LAMA1: variants seen among roughly 807,000 people sequenced by gnomAD.
LAMA1 encodes the protein laminin subunit alpha 1.
Under a neutral mutation model 348.7 loss-of-function variants are expected in LAMA1, and 219 were observed. That is an observed-to-expected ratio of 0.63 (90% CI 0.56 to 0.70). LAMA1 has a LOEUF of 0.70. LAMA1 is among the 30% of genes least tolerant of loss of function. The probability of loss-of-function intolerance (pLI) is 0.00; values close to 1 mark genes in which losing one functional copy is unlikely to be tolerated. For synonymous variants in LAMA1, 1,487 were observed against 1,491.0 expected (o/e 1.00, Z 0.06); for missense variants, 3,744 against 3,888.0 (o/e 0.96, Z 0.99).
At chr18:6,966,126 G>C (rs370392651) in intron 49 of LAMA1, 21 bp downstream of exon 49, 2 of 1,613,498 alleles carry the variant, frequency 1.2e-6, no homozygotes, top group Non-Finnish European at 1.7e-6. Context: ...GTAGGGCCTA[G>C]GGCCGCACAA....
chr18:6,963,349 G>T (rs1213764539), intron 51 of LAMA1, among the ~76,000 whole-genome samples: 2 of 152,198 alleles, frequency 1.3e-5, no homozygotes, highest in Non-Finnish European at 2.9e-5. Context: ...GCATGAATCT[G>T]GGATGGGATC....
chr18:6,991,651 A>C (rs551383970), intron 36 of LAMA1, among the ~76,000 whole-genome samples: 14 of 152,220 alleles, frequency 9.2e-5, no homozygotes, highest in African/African-American at 2.9e-4. Context: ...CAGCCTCCCA[A>C]AGTGCTGGGA....
rs1052486249 is a variant in LAMA1, at chr18:7,046,304, T to C, written c.832A>G (p.Ser278Gly). 3 of 1,611,604 alleles carry C rather than the reference T, an allele frequency of 1.9e-6. No individual in the cohort carries two copies. The highest frequency in any genetic ancestry group is 2.5e-6 in the Non-Finnish European group (3 of 1,178,144). ...GMCICYGHASSCPWDETTKKL... is the reference protein window; with the variant it reads ...GMCICYGHASGCPWDETTKKL... ...TTTGTAGTTTCATCCCATGGGCAGC[T>C]ACTAGCATGGCCATAGCAGATACAC... Residue 278 changes from serine (S) to glycine (G), a missense_variant, in exon 6 of 63, where the codon AGC (serine) becomes GGC (glycine). Ser to Gly is a moderately conservative substitution (Grantham distance 56). Transcript: ENST00000389658.
In LAMA1 at chr18:6,993,666, A is replaced by C; in HGVS notation, c.4983T>G (p.Ile1661Met). Residue 1661 changes from isoleucine (I) to methionine (M), a missense_variant, in exon 35 of 63, where the codon ATT (isoleucine) becomes ATG (methionine). Physicochemically the swap from Ile to Met is conservative, Grantham distance 10. Coordinates refer to ENST00000389658, the MANE Select transcript of LAMA1 (RefSeq NM_005559.4). ...CTGTGATGCTCATCTGCAGCCTCTC[A>C]ATGGCTATGGCCAGGTCTTGACTCT... ...FKESQDLAIA[I>M]ERLQMSITEI... 6.2e-7 allele frequency: 1 copy of C among 1,613,810 alleles called. No homozygotes were observed. Among genetic ancestry groups the C allele is most frequent in the East Asian group, 2.2e-5 (1 of 44,876 alleles).
chr18:7,049,281 G>T, intron 4 of LAMA1, 24 bp from the exon 5 acceptor site: 2 of 1,584,642 alleles, frequency 1.3e-6, no homozygotes, highest in East Asian at 4.5e-5. Flanking sequence ...CATCAAAATA[G>T]ATGAATGTCA....
In LAMA1 at chr18:7,103,934, C is replaced by A. The variant is rs535643556; in HGVS notation, c.61+13726G>T. Reference sequence around the variant, plus strand: ...GCTTCCTCACTAGTTACTGCCCTAACCCCTCTGTCCGTCTGTCTGGTCTCT... The same window carrying A: ...GCTTCCTCACTAGTTACTGCCCTAAACCCTCTGTCCGTCTGTCTGGTCTCT... On this transcript the variant is annotated intron_variant, in intron 1 of 62. Transcript: ENST00000389658. 9.2e-5 allele frequency among the ~76,000 whole-genome samples: 14 copies of A among 152,246 alleles called. 1 individual carries two copies. Among genetic ancestry groups the A allele is most frequent in the African/African-American group, 3.4e-4 (14 of 41,552 alleles).
In LAMA1 at chr18:6,997,847, G is replaced by A. The variant is rs948891169; in HGVS notation, c.4701C>T (p.Asp1567=). The A allele has an allele frequency of 6.2e-7, 1 of 1,614,152 alleles. No individual in the cohort carries two copies. The highest frequency in any genetic ancestry group is 8.5e-7 in the Non-Finnish European group (1 of 1,180,012). Residue 1567 remains aspartate, a synonymous_variant, in exon 33 of 63, where the codon GAC becomes GAT. Transcript: ENST00000389658. Reference sequence around the variant, plus strand: ...GAACGGCATCACCAATCTCATCCAAGTCATTCAGCAGCACACCTACACACT... The same window carrying A: ...GAACGGCATCACCAATCTCATCCAAATCATTCAGCAGCACACCTACACACT... ...DDECVGVLLN[D]LDEIGDAVLS... is the part of the protein sequence containing the mutation.
rs2057735134 is a variant in LAMA1 at position 6,986,292 on chromosome 18, C to T, written c.5224G>A (p.Glu1742Lys). ...GCTGCTTCTTTCAATACCTCCAATT[C>T]TTCCAGCGGCTTCTGGTAATTTTCC... ...IQENYQKPLEELEVLKEAASH... is the reference protein window; with the variant it reads ...IQENYQKPLEKLEVLKEAASH... Residue 1742 changes from glutamate to lysine, a missense_variant, in exon 37 of 63, where the codon GAA becomes AAA. Physicochemically the swap from Glu to Lys is moderately conservative, Grantham distance 56 (BLOSUM62 1). This residue lies in a region of LAMA1 where 1,983 missense variants were observed against 1,934.3 expected (regional missense o/e 1.03). Coordinates refer to ENST00000389658, the MANE Select transcript of LAMA1 (RefSeq NM_005559.4). 1.2e-6 allele frequency: 2 copies of T among 1,614,186 alleles called. No homozygotes were observed. Among genetic ancestry groups the T allele is most frequent in the East Asian group, 4.5e-5 (2 of 44,864 alleles).
At chr18:6,994,543 C>T (rs777444222) in intron 34 of LAMA1, among the ~76,000 whole-genome samples, 1 of 152,142 alleles carries the variant, frequency 6.6e-6, no homozygotes, top group Non-Finnish European at 1.5e-5. Flanking sequence ...CCCTTCAACT[C>T]TTTCCAAAAC....
chr18:7,112,373 T>C (rs2143838485), intron 1 of LAMA1, among the ~76,000 whole-genome samples: 1 of 152,254 alleles, frequency 6.6e-6, no homozygotes, highest in South Asian at 2.1e-4. Flanking sequence ...CATCCATGTT[T>C]TGGCAGAAAA....
intron 28 of LAMA1, among the ~76,000 whole-genome samples, chr18:7,007,608 A>G (rs2057838514): frequency 6.6e-6 from 1 of 152,182 alleles, no homozygotes; most frequent in South Asian, 2.1e-4. Flanking sequence ...CAAGTACCAT[A>G]TGATTCTGCA....
At chr18:7,109,885 A>G (rs1283656267) in intron 1 of LAMA1, among the ~76,000 whole-genome samples, 1 of 152,158 alleles carries the variant, frequency 6.6e-6, no homozygotes, top group Non-Finnish European at 1.5e-5. Context: ...CACAGACCCG[A>G]TAAAAAGCAG....
intron 1 of LAMA1, among the ~76,000 whole-genome samples, chr18:7,098,539 C>T (rs943434548): frequency 4.7e-4 from 71 of 151,360 alleles, no homozygotes; most frequent in African/African-American, 1.0e-3. Context: ...TGCCCGGCTG[C>T]GACCCCGTCT....
At chr18:6,972,818 G>A (rs2057664115) in intron 47 of LAMA1, among the ~76,000 whole-genome samples, 1 of 152,184 alleles carries the variant, frequency 6.6e-6, no homozygotes, top group Admixed American at 6.5e-5. Context: ...AGCCCCCTGA[G>A]TAGCTGGGAT....
chr18:7,065,909 T>G (rs2058121035), intron 3 of LAMA1, among the ~76,000 whole-genome samples: 2 of 152,196 alleles, frequency 1.3e-5, no homozygotes, highest in Non-Finnish European at 2.9e-5. Context: ...AGCGAGTCAG[T>G]GCTTTCTAAG....
At chr18:6,977,335 T>C (rs1408402269) in intron 44 of LAMA1, among the ~76,000 whole-genome samples, 1 of 152,218 alleles carries the variant, frequency 6.6e-6, no homozygotes, top group Non-Finnish European at 1.5e-5. Context: ...CTTGGATTAT[T>C]AAAACTAAGT....
chr18:7,095,541 G>T (rs1190466276), intron 1 of LAMA1, among the ~76,000 whole-genome samples: 2 of 152,156 alleles, frequency 1.3e-5, no homozygotes, highest in African/African-American at 4.8e-5. Flanking sequence ...AAGAAGGCTG[G>T]CAAGTTTAAG....
In LAMA1 at chr18:6,950,936, G is replaced by C. The variant is rs1364331856; in HGVS notation, c.8243C>G (p.Ser2748Cys). 1 of 1,614,136 alleles carries C rather than the reference G, an allele frequency of 6.2e-7. No homozygotes were observed. Among genetic ancestry groups the C allele is most frequent in the Admixed American group, 1.7e-5 (1 of 60,012 alleles). ...SVELSIRTFASSGLIYYMAHQ... is the reference protein window; with the variant it reads ...SVELSIRTFACSGLIYYMAHQ... ...AGCCATGTAGTAAATCAGGCCGCTG[G>C]AGGCGAACGTGCGGATGCTTAGCTC... The change falls in exon 58 of 63, where the codon TCC (serine) becomes TGC (cysteine). Residue 2748 changes from serine (S) to cysteine (C), a missense_variant. Physicochemically the swap from Ser to Cys is moderately radical, Grantham distance 112. Coordinates refer to ENST00000389658, the MANE Select transcript of LAMA1 (RefSeq NM_005559.4).
rs1006189274 is a variant in LAMA1, at chr18:7,044,921, G to C, written c.859-82C>G. 2.9e-6 allele frequency: 3 copies of C among 1,038,800 alleles called. No individual in the cohort carries two copies. In the Admixed American group the frequency reaches 5.1e-5, roughly 18 times the overall value. 64.3% of individuals were successfully genotyped at this position (1,038,800 alleles called of 1,614,324 possible). A position where few individuals can be genotyped will look rare whatever the true frequency, so the allele number is the denominator to read the frequency against. ...ATTTCATGGTAAAAAGAACCTATCT[G>C]TCAAATATGTGGCAAGAACCTCACA... On this transcript the variant is annotated intron_variant, in intron 6 of 62. Coordinates refer to ENST00000389658, the MANE Select transcript of LAMA1 (RefSeq NM_005559.4).
Sources: allele counts gnomAD v4.1 joint callset (sites outside exome capture counted in the v4.1 genomes callset), GRCh38; gene constraint gnomAD v4.1.1; regional missense constraint gnomAD v4.1.1; transcripts MANE v1.5; gene names NCBI Gene and HGNC (gene_info 2026-07-23, HGNC 2026-07-21).